The following HYAL4 variants were observed in gnomAD, a reference collection of about 807,000 sequenced individuals.
HYAL4 encodes the protein hyaluronidase-4.
In HYAL4, 37 loss-of-function variants were observed where a neutral mutation model predicts 35.2. The observed-to-expected ratio is 1.05, with a 90% confidence interval of 0.81 to 1.38. The LOEUF is 1.38. HYAL4 is among the 40% of genes most tolerant of loss of function. The pLI is 0.00. For synonymous variants in HYAL4, 198 were observed against 203.2 expected, an observed-to-expected ratio of 0.97 and a Z score of 0.22; for missense variants, 572 against 572.4, an observed-to-expected ratio of 1.00 and a Z score of 0.01.
chr7:123,779,557 A>G, the HYAL4 span, among the ~76,000 whole-genome samples: 1 of 152,192 alleles, frequency 6.6e-6, no homozygotes, highest in Non-Finnish European at 1.5e-5. Context: ...GTAAGGGTAT[A>G]GATGGAATAA....
chr7:123,789,368 A>G, the HYAL4 span, among the ~76,000 whole-genome samples: 9 of 152,336 alleles, frequency 5.9e-5, no homozygotes, highest in African/African-American at 2.2e-4. Flanking sequence ...AGAATGGACT[A>G]TAATCCATTT....
At chr7:123,801,510 G>C in the HYAL4 span, among the ~76,000 whole-genome samples, 1 of 152,154 alleles carries the variant, frequency 6.6e-6, no homozygotes, top group Non-Finnish European at 1.5e-5. Context: ...AGTAAAAATT[G>C]ACTTATTGAA....
chr7:123,773,612 T>C, the HYAL4 span, among the ~76,000 whole-genome samples: 4 of 152,334 alleles, frequency 2.6e-5, no homozygotes, highest in East Asian at 7.7e-4. Flanking sequence ...CTGTTAACAA[T>C]TCAATTTTAC....
chr7:123,815,382 T>A, the HYAL4 span, among the ~76,000 whole-genome samples: 1 of 152,318 alleles, frequency 6.6e-6, no homozygotes, highest in African/African-American at 2.4e-5. Context: ...GTAACAGCAA[T>A]TTTCCAAATC....
the HYAL4 span, among the ~76,000 whole-genome samples, chr7:123,812,922 C>A: frequency 4.1e-4 from 63 of 152,216 alleles, 1 homozygote; most frequent in South Asian, 4.1e-3. Context: ...TGCTATAATA[C>A]ACACTCCACA....
the HYAL4 span, among the ~76,000 whole-genome samples, chr7:123,773,249 C>G: frequency 6.6e-6 from 1 of 151,922 alleles, no homozygotes; most frequent in Non-Finnish European, 1.5e-5. Context: ...TGTTTGTGCT[C>G]TTATATGGGA....
chr7:123,819,126 A>G, the HYAL4 span, among the ~76,000 whole-genome samples: 1 of 152,160 alleles, frequency 6.6e-6, no homozygotes, highest in Non-Finnish European at 1.5e-5. Context: ...GGTAATCACC[A>G]TTCTACTATC....
the HYAL4 span, among the ~76,000 whole-genome samples, chr7:123,808,461 G>A: frequency 1.5e-5 from 2 of 136,326 alleles, no homozygotes; most frequent in African/African-American, 2.9e-5. Flanking sequence ...GTGTGTGTGT[G>A]TGTATTTTCT....
the HYAL4 span, among the ~76,000 whole-genome samples, chr7:123,789,165 A>C: frequency 6.6e-6 from 1 of 152,218 alleles, no homozygotes; most frequent in African/African-American, 2.4e-5. Flanking sequence ...AGTAAATGCT[A>C]CTCTCAAGAA....
At chr7:123,771,426 T>G in the HYAL4 span, among the ~76,000 whole-genome samples, 1 of 152,178 alleles carries the variant, frequency 6.6e-6, no homozygotes, top group Admixed American at 6.5e-5. Context: ...GTCTGTGCGT[T>G]GGATGTTTAG....
chr7:123,785,004 A>T, the HYAL4 span, among the ~76,000 whole-genome samples: 1 of 152,164 alleles, frequency 6.6e-6, no homozygotes, highest in Non-Finnish European at 1.5e-5. The surrounding 1 kb of genome is among the most constrained non-coding windows in gnomAD (Gnocchi z 4.5). Flanking sequence ...CCAGCTGGAT[A>T]ATTTATTTTC....
chr7:123,842,978 G>A (rs1806098636), upstream of HYAL4, among the ~76,000 whole-genome samples: 10 of 151,868 alleles, frequency 6.6e-5, no homozygotes, highest in Admixed American at 5.9e-4. Context: ...TCTTTTAATT[G>A]GGGCATTTAG....
the HYAL4 span, among the ~76,000 whole-genome samples, chr7:123,815,416 G>T: frequency 6.6e-6 from 1 of 152,146 alleles, no homozygotes; most frequent in African/African-American, 2.4e-5. Flanking sequence ...ATAGAGCTTA[G>T]GGTAAATTAT....
upstream of HYAL4, among the ~76,000 whole-genome samples, chr7:123,824,199 C>CT (rs560501855): frequency 4.3e-3 from 647 of 152,182 alleles, 4 homozygotes; most frequent in African/African-American, 0.015. Flanking sequence ...AGTATCTCTC[C>CT]TATAGGACTT....
chr7:123,794,969 A>G, the HYAL4 span, among the ~76,000 whole-genome samples: 1 of 152,224 alleles, frequency 6.6e-6, no homozygotes, highest in Non-Finnish European at 1.5e-5. Flanking sequence ...GGCACCCAAG[A>G]GTGGAGCTGT....
At chr7:123,840,532 T>A (rs1806038731), upstream of HYAL4, among the ~76,000 whole-genome samples, 2 of 152,022 alleles carry the variant, frequency 1.3e-5, no homozygotes, top group South Asian at 4.1e-4. Flanking sequence ...AGAAAGTCAT[T>A]GGTAGCTTGA....
chr7:123,797,947 T>A, the HYAL4 span, among the ~76,000 whole-genome samples: 2 of 152,204 alleles, frequency 1.3e-5, no homozygotes, highest in African/African-American at 2.4e-5. Context: ...ATAATAATTT[T>A]AAAAAGTGCC....
chr7:123,849,544 G>A (rs774391214), intron 2 of HYAL4, among the ~76,000 whole-genome samples: 1 of 152,074 alleles, frequency 6.6e-6, no homozygotes, highest in Non-Finnish European at 1.5e-5. Context: ...TCAAGTGATT[G>A]GACCATTTTG....
At chr7:123,782,685 A>G in the HYAL4 span, among the ~76,000 whole-genome samples, 2 of 151,644 alleles carry the variant, frequency 1.3e-5, no homozygotes, top group Non-Finnish European at 2.9e-5. Flanking sequence ...CTTTCATAAG[A>G]TCCTCATTGA....
Sources: allele counts gnomAD v4.1 joint callset (sites outside exome capture counted in the v4.1 genomes callset), GRCh38; gene constraint gnomAD v4.1.1; non-coding constraint Gnocchi (gnomAD v3.1); transcripts MANE v1.5; gene names NCBI Gene and HGNC (gene_info 2026-07-23, HGNC 2026-07-21).